The following MFNG variants were observed in gnomAD, a reference collection of about 807,000 sequenced individuals.
MFNG encodes the protein MFNG O-fucosylpeptide 3-beta-N-acetylglucosaminyltransferase, also known as beta-1,3-N-acetylglucosaminyltransferase manic fringe.
Under a neutral mutation model 34.2 loss-of-function variants are expected in MFNG, and 24 were observed. The ratio of observed to expected loss-of-function variants is 0.70; its 90% CI spans 0.51 to 0.99. The LOEUF is 0.99. Ranked by LOEUF, MFNG falls within the 50% of genes least tolerant of loss-of-function variation. The probability of loss-of-function intolerance (pLI) is 0.00; values close to 1 mark genes in which losing one functional copy is unlikely to be tolerated. For synonymous variants in MFNG, 158 were observed against 179.2 expected, an observed-to-expected ratio of 0.88 and a Z score of 0.94; for missense variants, 383 against 424.0, an observed-to-expected ratio of 0.90 and a Z score of 0.85.
At chr22:37,476,854 C>G (rs368994541) in intron 5 of MFNG, 42 bp downstream of exon 5, 2 of 1,502,686 alleles carry the variant, frequency 1.3e-6, no homozygotes, top group African/African-American at 1.4e-5. Flanking sequence ...CCAGCTGCCA[C>G]CCCCTCCCCG....
intron 7 of MFNG, 64 bp downstream of exon 7, chr22:37,472,379 C>T (rs1021331590): frequency 6.8e-5 from 86 of 1,256,316 alleles, no homozygotes; most frequent in Middle Eastern, 1.9e-4. Context: ...CCAGCTCCCC[C>T]ATGTTTGGAT....
At chr22:37,478,001 ACC>A (rs1235585297) in intron 4 of MFNG, among the ~76,000 whole-genome samples, 6 of 152,080 alleles carry the variant, frequency 3.9e-5, no homozygotes, top group African/African-American at 1.2e-4. Flanking sequence ...GCAGTTCTCC[ACC>A]CCAGAGGCAA....
intron 5 of MFNG, among the ~76,000 whole-genome samples, chr22:37,474,902 T>C (rs1023766460): frequency 4.6e-5 from 7 of 152,204 alleles, no homozygotes; most frequent in African/African-American, 1.7e-4. Flanking sequence ...GGAGCTGTCG[T>C]GAGGATTAAA....
intron 5 of MFNG, among the ~76,000 whole-genome samples, chr22:37,475,121 T>C (rs1417286246): frequency 1.3e-5 from 2 of 151,808 alleles, no homozygotes; most frequent in Non-Finnish European, 2.9e-5. Flanking sequence ...TTTCAAAGAG[T>C]GGTGCTAAGT....
chr22:37,475,111 T>C (rs1921980945), intron 5 of MFNG, among the ~76,000 whole-genome samples: 2 of 152,174 alleles, frequency 1.3e-5, no homozygotes, highest in African/African-American at 4.8e-5. Flanking sequence ...GGAGCAGGTC[T>C]TTCAAAGAGT....
At chr22:37,473,785 T>C (rs1022758908) in intron 6 of MFNG, among the ~76,000 whole-genome samples, 3 of 152,246 alleles carry the variant, frequency 2.0e-5, no homozygotes, top group Non-Finnish European at 4.4e-5. Context: ...ATGGGCCAAC[T>C]TGGGGGAGAG....
chr22:37,478,564 C>T (rs1922141308), intron 4 of MFNG, among the ~76,000 whole-genome samples: 1 of 152,066 alleles, frequency 6.6e-6, no homozygotes, highest in Non-Finnish European at 1.5e-5. Flanking sequence ...ACTCTTCAGT[C>T]ACAGGCTAGT....
chr22:37,485,643 G>A lies in MFNG; in HGVS notation c.255+280C>T, dbSNP rs1922512317. Among the ~76,000 whole-genome samples the A allele has an allele frequency of 6.6e-6, 1 of 152,196 alleles. No homozygotes were observed. Among genetic ancestry groups the A allele is most frequent in the African/African-American group, 2.4e-5 (1 of 41,450 alleles). ...GCTAGGAATAGAAGAACCCCCAGGA[G>A]GGACCCGGGAGCCTGGAGCAGGGGC... On this transcript the variant is annotated intron_variant, in intron 1 of 7. Coordinates refer to ENST00000356998, the MANE Select transcript of MFNG (RefSeq NM_002405.4). This position sits in a 1 kb window ranked among gnomAD's most constrained non-coding sequence, Gnocchi z 5.3.
chr22:37,485,384 C>T lies in MFNG; in HGVS notation c.255+539G>A, dbSNP rs1281389786. 6.6e-6 allele frequency among the ~76,000 whole-genome samples: 1 copy of T among 152,204 alleles called. No individual in the cohort carries two copies. The highest frequency in any genetic ancestry group is 6.5e-5 in the Admixed American group (1 of 15,284). On this transcript the variant is annotated intron_variant, in intron 1 of 7. Coordinates refer to ENST00000356998, the MANE Select transcript of MFNG (RefSeq NM_002405.4). This position sits in a 1 kb window ranked among gnomAD's most constrained non-coding sequence, Gnocchi z 5.3. Reference sequence around the variant, plus strand: ...GCAGAGACACAGCGGCAGGGGCTATCGGGAAGGCCGAAGGGATGCCTCCCC... The same window carrying T: ...GCAGAGACACAGCGGCAGGGGCTATTGGGAAGGCCGAAGGGATGCCTCCCC...
At chr22:37,470,718 G>A (rs1019232952) in intron 7 of MFNG, among the ~76,000 whole-genome samples, 6 of 152,196 alleles carry the variant, frequency 3.9e-5, no homozygotes, top group African/African-American at 9.7e-5. Context: ...ACTGCAGAAC[G>A]TCAGGGCCAG....
At chr22:37,474,945 G>T (rs1241329814) in intron 5 of MFNG, among the ~76,000 whole-genome samples, 2 of 152,212 alleles carry the variant, frequency 1.3e-5, no homozygotes, top group African/African-American at 4.8e-5. Context: ...CTTTATAAAT[G>T]TAGCCTTTCC....
intron 5 of MFNG, among the ~76,000 whole-genome samples, chr22:37,476,527 A>G (rs1020369885): frequency 6.6e-6 from 1 of 151,464 alleles, no homozygotes; most frequent in African/African-American, 2.4e-5. Context: ...CACCTCCCCT[A>G]CGGCATTGAC....
intron 5 of MFNG, 38 bp downstream of exon 5, chr22:37,476,858 C>T: frequency 1.3e-6 from 2 of 1,545,098 alleles, no homozygotes; most frequent in Non-Finnish European, 1.8e-6. Flanking sequence ...CTGCCACCCC[C>T]TCCCCGCCTT....
In MFNG at chr22:37,483,736, G is replaced by A. The variant is rs375660339; in HGVS notation, c.255+2187C>T. Among the ~76,000 whole-genome samples the A allele has an allele frequency of 6.6e-6, 1 of 152,072 alleles. No individual in the cohort carries two copies. Among genetic ancestry groups the A allele is most frequent in the Admixed American group, 6.5e-5 (1 of 15,272 alleles). ...TGCAGTGAGCCAGGATCGTGCCACT[G>A]CACTCCAGCCTGGAAAACAGAGTGA... On this transcript the variant is annotated intron_variant, in intron 1 of 7. Transcript: ENST00000356998. This position sits in a 1 kb window ranked among gnomAD's most constrained non-coding sequence, Gnocchi z 4.5.
At position 37,486,053 on chromosome 22, in the gene MFNG, C is replaced by T. The variant is rs754940582; in HGVS notation, c.125G>A (p.Ser42Asn). ...PQRVQGTPEL[S>N]QPNPGPPKLQ... ...CTTAGGGGGCCCCGGGTTCGGCTGG[C>T]TCAGCTCGGGGGTCCCTTGTACCCG... Residue 42 changes from serine to asparagine, a missense_variant, in exon 1 of 8, where the codon AGC becomes AAC. Ser to Asn is a conservative substitution (Grantham distance 46). Coordinates refer to ENST00000356998, the MANE Select transcript of MFNG (RefSeq NM_002405.4). The T allele has an allele frequency of 6.2e-7, 1 of 1,613,322 alleles. No individual in the cohort carries two copies. The highest frequency in any genetic ancestry group is 8.5e-7 in the Non-Finnish European group (1 of 1,179,936).
intron 4 of MFNG, among the ~76,000 whole-genome samples, chr22:37,477,630 T>C (rs965464846): frequency 6.6e-6 from 1 of 152,090 alleles, no homozygotes; most frequent in African/African-American, 2.4e-5. Context: ...TATTTTTTAG[T>C]AGAGACAGGG....
rs1409512118 is a variant in MFNG, at chr22:37,479,382, GGC to G, written c.522_523del (p.Pro175HisfsTer56). 6.2e-7 allele frequency: 1 copy of G among 1,605,420 alleles called. No homozygotes were observed. The highest frequency in any genetic ancestry group is 8.5e-7 in the Non-Finnish European group (1 of 1,175,784). ...GGGCTGTGGCTCTGAGGCATGGATGGGCCGGTTCAGGCTGGGCCTTCCCACAT... is the reference window on the plus strand; with the variant it reads ...GGGCTGTGGCTCTGAGGCATGGATGGCGGTTCAGGCTGGGCCTTCCCACAT... On this transcript the variant is annotated frameshift_variant, in exon 4 of 8. Transcript: ENST00000356998. LOFTEE classifies it high-confidence loss of function.
intron 6 of MFNG, among the ~76,000 whole-genome samples, chr22:37,473,525 A>G (rs916087341): frequency 1.3e-5 from 2 of 148,520 alleles, no homozygotes; most frequent in Non-Finnish European, 3.0e-5. Context: ...GGGCTGCCTC[A>G]AATCTGCCTC....
chr22:37,469,682 C>A lies in MFNG; in HGVS notation c.*281G>T. ...TGAGCCCCAGCCCAGCTCAAGTGCC[C>A]CCTGCCCTTTTTCAATTCAGCCTCC... is the stretch of plus-strand genomic sequence containing the variant. On this transcript the variant is annotated 3_prime_UTR_variant, in exon 8 of 8. Transcript: ENST00000356998. 1.9e-6 allele frequency: 1 copy of A among 526,560 alleles called. No individual in the cohort carries two copies. The highest frequency in any genetic ancestry group is 3.6e-6 in the Non-Finnish European group (1 of 280,582). 32.6% of individuals were successfully genotyped at this position (526,560 alleles called of 1,614,324 possible). A position where few individuals can be genotyped will look rare whatever the true frequency, so the allele number is the denominator to read the frequency against.
Sources: gnomAD v4.1 joint callset for allele counts (sites outside exome capture counted in the v4.1 genomes callset) on GRCh38, gnomAD v4.1.1 for gene constraint, Gnocchi (gnomAD v3.1) non-coding constraint, MANE v1.5 for transcripts, NCBI Gene and HGNC (gene_info 2026-07-23, HGNC 2026-07-21) for gene names.